The following DIP2C variants were observed in gnomAD, a reference collection of about 807,000 sequenced individuals.
DIP2C encodes the protein DIP2 acetate--CoA ligase C (putative).
A neutral mutation model predicts 192.4 loss-of-function variants in DIP2C; 33 were observed. The observed-to-expected ratio is 0.17, with a 90% CI of 0.13 to 0.23. DIP2C has a LOEUF of 0.23. Ranked by LOEUF, DIP2C falls within the 10% of genes least tolerant of loss-of-function variation. The pLI, the probability that DIP2C is intolerant of heterozygous loss-of-function variation, is 1.00. For synonymous variants in DIP2C, 979 were observed against 864.1 expected (o/e 1.13, Z -2.33); for missense variants, 1,537 against 2,110.1 (o/e 0.73, Z 5.32).
intron 1 of DIP2C, among the ~76,000 whole-genome samples, chr10:553,357 T>C (rs1436264991): frequency 1.3e-5 from 2 of 152,210 alleles, no homozygotes; most frequent in Non-Finnish European, 2.9e-5. Context: ...ATTTGCAGAA[T>C]TGAGTTTTCA....
intron 24 of DIP2C, among the ~76,000 whole-genome samples, chr10:355,812 C>A (rs1464831338): frequency 6.6e-6 from 1 of 152,010 alleles, no homozygotes; most frequent in African/African-American, 2.4e-5. Context: ...TGTGGTGACT[C>A]ACGCCTGTAA....
In DIP2C at chr10:441,000, A is replaced by T; in HGVS notation, c.269-4T>A. 1 of 1,611,202 alleles carries T rather than the reference A, an allele frequency of 6.2e-7. No individual in the cohort carries two copies. Among genetic ancestry groups the T allele is most frequent in the Non-Finnish European group, 8.5e-7 (1 of 1,179,368 alleles). ...TGGACAGCTTCCGTGTGGACGTCTGAAACGGAGAGAGCTCAGTCACTCAGT... is the reference window on the plus strand; with the variant it reads ...TGGACAGCTTCCGTGTGGACGTCTGTAACGGAGAGAGCTCAGTCACTCAGT... On this transcript the variant is annotated splice_polypyrimidine_tract_variant and splice_region_variant and intron_variant, in intron 3 of 36. Coordinates refer to ENST00000280886, the MANE Select transcript of DIP2C (RefSeq NM_014974.3).
At chr10:395,992 G>A (rs1242978821) in intron 10 of DIP2C, among the ~76,000 whole-genome samples, 3 of 152,094 alleles carry the variant, frequency 2.0e-5, no homozygotes. Context: ...CCTGCCCTGT[G>A]CACAGTGAAC....
chr10:324,744 C>G (rs1957186895), intron 31 of DIP2C: 2 of 347,092 alleles, frequency 5.8e-6, no homozygotes, highest in Non-Finnish European at 5.9e-6. Context: ...CTCAACACTC[C>G]CACGGCGCAC....
chr10:581,252 A>AGC (rs1850635720), intron 1 of DIP2C, among the ~76,000 whole-genome samples: 1 of 152,214 alleles, frequency 6.6e-6, no homozygotes, highest in Non-Finnish European at 1.5e-5. Context: ...CAACAAAAAC[A>AGC]GCCCATGTGT....
intron 3 of DIP2C, among the ~76,000 whole-genome samples, chr10:442,374 T>C (rs993191870): frequency 2.0e-5 from 3 of 150,378 alleles, no homozygotes; most frequent in Admixed American, 6.6e-5. Context: ...TCTAACTAGA[T>C]AAAGAGCCTG....
At chr10:422,498 A>G (rs1214967224) in intron 5 of DIP2C, among the ~76,000 whole-genome samples, 1 of 152,234 alleles carries the variant, frequency 6.6e-6, no homozygotes. Context: ...TCCCACGGTC[A>G]GGACGAGCAC....
At position 341,312 on chromosome 10, in the gene DIP2C, G is replaced by A. The variant is rs759813551; in HGVS notation, c.3471C>T (p.Thr1157=). The A allele has an allele frequency of 6.2e-7, 1 of 1,614,090 alleles. No homozygotes were observed. Among genetic ancestry groups the A allele is most frequent in the Non-Finnish European group, 8.5e-7 (1 of 1,180,050 alleles). ...LAGVKMSHAA[T]SAFCRSIKLQ... ...GCTTAATGGAACGGCAGAAGGCACT[G>A]GTGGCTGCGTGAGACATCTGCAAAA... Residue 1157 remains threonine, a synonymous_variant, in exon 29 of 37, where the codon ACC becomes ACT. Coordinates refer to ENST00000280886, the MANE Select transcript of DIP2C (RefSeq NM_014974.3).
chr10:482,512 G>C (rs1480853588), intron 2 of DIP2C, among the ~76,000 whole-genome samples: 1 of 152,192 alleles, frequency 6.6e-6, no homozygotes. Context: ...CAGAGTCCTT[G>C]TAACTTGCAC....
intron 1 of DIP2C, among the ~76,000 whole-genome samples, chr10:572,899 C>T (rs1469312462): frequency 1.3e-5 from 2 of 152,232 alleles, no homozygotes; most frequent in Non-Finnish European, 1.5e-5. Flanking sequence ...AACAGGCAGC[C>T]GGAAGATTGC....
At chr10:649,797 T>C (rs1004166069) in intron 1 of DIP2C, among the ~76,000 whole-genome samples, 9 of 152,242 alleles carry the variant, frequency 5.9e-5, no homozygotes, top group African/African-American at 2.2e-4. Flanking sequence ...GTATCCTACA[T>C]AAAAGACAGG....
At chr10:359,665 T>C (rs1959215881) in intron 22 of DIP2C, among the ~76,000 whole-genome samples, 1 of 152,200 alleles carries the variant, frequency 6.6e-6, no homozygotes, top group Non-Finnish European at 1.5e-5. Context: ...ATTGCCCCTC[T>C]GTGATCTCCA....
intron 1 of DIP2C, among the ~76,000 whole-genome samples, chr10:670,338 G>T (rs112944582): frequency 2.0e-5 from 3 of 151,692 alleles, no homozygotes; most frequent in Admixed American, 6.6e-5. Flanking sequence ...ACATGCGCAC[G>T]CGTACATGCA....
chr10:399,649 C>T (rs993204332), intron 9 of DIP2C, among the ~76,000 whole-genome samples: 1 of 152,188 alleles, frequency 6.6e-6, no homozygotes, highest in Non-Finnish European at 1.5e-5. Flanking sequence ...ACAATTGTGG[C>T]CTCTCTGAGC....
At chr10:434,587 C>G (rs548965481) in intron 4 of DIP2C, among the ~76,000 whole-genome samples, 3 of 152,338 alleles carry the variant, frequency 2.0e-5, no homozygotes, top group African/African-American at 7.2e-5. Flanking sequence ...CTCTTCCTTT[C>G]TTTATGCACA....
chr10:389,144 A>ACGGGGATTCTC (rs1327615678), intron 13 of DIP2C, among the ~76,000 whole-genome samples: 1 of 70,956 alleles, frequency 1.4e-5, no homozygotes, highest in African/African-American at 5.2e-5. Flanking sequence ...TCTCAGGGGC[A>ACGGGGATTCTC]TGGGGGTTCT....
At chr10:360,856 C>T (rs1959393299) in intron 22 of DIP2C, among the ~76,000 whole-genome samples, 2 of 152,202 alleles carry the variant, frequency 1.3e-5, no homozygotes, top group South Asian at 4.1e-4. Flanking sequence ...CTGTTTCCAG[C>T]ATCTCAGAAC....
rs546787075 is a variant in DIP2C, at chr10:663,308, C to G, written c.85+26186G>C. The stretch of plus-strand genomic sequence containing the variant: ...GAAAGTAAAGGCCTGGCTGGAACTT[C>G]GTAATGGCTTTTGAGGCTCGGGAAC... On this transcript the variant is annotated intron_variant, in intron 1 of 36. Coordinates refer to ENST00000280886, the MANE Select transcript of DIP2C (RefSeq NM_014974.3). 11 of 176,418 alleles carry G rather than the reference C, an allele frequency of 6.2e-5. No homozygotes were observed. In the East Asian group the frequency reaches 1.2e-3, roughly 19 times the overall value. The allele number at this position is 176,418 out of a possible 1,614,324, so 10.9% of individuals were successfully genotyped here.
intron 1 of DIP2C, among the ~76,000 whole-genome samples, chr10:590,927 C>T (rs1851364603): frequency 6.7e-6 from 1 of 148,808 alleles, no homozygotes; most frequent in Admixed American, 6.6e-5. Flanking sequence ...CCCCCTCGGT[C>T]TCCGAGCCTC....
Sources: allele counts gnomAD v4.1 joint callset (sites outside exome capture counted in the v4.1 genomes callset), GRCh38; gene constraint gnomAD v4.1.1; transcripts MANE v1.5; gene names NCBI Gene and HGNC (gene_info 2026-07-23, HGNC 2026-07-21).